NTNG1: variants seen among roughly 807,000 people sequenced by gnomAD.
NTNG1 encodes the protein netrin-G1.
In NTNG1, 16 loss-of-function variants were observed where a neutral mutation model predicts 54.0. The ratio of observed to expected loss-of-function variants is 0.30; its 90% CI spans 0.20 to 0.45. NTNG1 has a LOEUF of 0.45. Among genes scored for constraint, NTNG1 ranks in the 20% least tolerant of loss-of-function variants. NTNG1 has a pLI of 1.00. For synonymous variants in NTNG1, 255 were observed against 263.1 expected (o/e 0.97, Z 0.30); for missense variants, 530 against 678.7 (o/e 0.78, Z 2.43).
chr1:107,282,731 A>G (rs1263323311), intron 2 of NTNG1, among the ~76,000 whole-genome samples: 1 of 152,182 alleles, frequency 6.6e-6, no homozygotes, highest in Non-Finnish European at 1.5e-5. Context: ...AGTCTCATTC[A>G]GACCAAATTC....
At chr1:107,229,239 C>T (rs1047420114) in intron 2 of NTNG1, among the ~76,000 whole-genome samples, 2 of 151,110 alleles carry the variant, frequency 1.3e-5, no homozygotes, top group Admixed American at 6.6e-5. Context: ...AATCTTTGCT[C>T]AATATGTACA....
In NTNG1 at chr1:107,147,669, A is replaced by T. The variant is rs187895759; in HGVS notation, c.-525-400A>T. Among the ~76,000 whole-genome samples, 6 of 152,284 alleles carry T rather than the reference A, an allele frequency of 3.9e-5. No individual in the cohort carries two copies. In the East Asian group the frequency reaches 1.2e-3, roughly 29 times the overall value. Reference sequence around the variant, plus strand: ...CTTTGCCAAGAGACAAAAGGGATATAAGTAGTTGTCATTTCTTTGTCATCA... The same window carrying T: ...CTTTGCCAAGAGACAAAAGGGATATTAGTAGTTGTCATTTCTTTGTCATCA... On this transcript the variant is annotated intron_variant, in intron 1 of 7. Coordinates refer to ENST00000370068, the MANE Select transcript of NTNG1 (RefSeq NM_001113226.3).
intron 2 of NTNG1, among the ~76,000 whole-genome samples, chr1:107,259,103 A>AGC (rs1663127028): frequency 6.6e-6 from 1 of 152,230 alleles, no homozygotes; most frequent in Non-Finnish European, 1.5e-5. Flanking sequence ...CTTAAGAAAT[A>AGC]CACTGTAAAA....
chr1:107,192,659 A>G (rs1467854991), intron 2 of NTNG1, among the ~76,000 whole-genome samples: 1 of 151,948 alleles, frequency 6.6e-6, no homozygotes, highest in East Asian at 1.9e-4. Flanking sequence ...GATTTTTTGT[A>G]TTTCCAAAAT....
intron 2 of NTNG1, among the ~76,000 whole-genome samples, chr1:107,231,522 T>C (rs1263011751): frequency 6.6e-6 from 1 of 152,222 alleles, no homozygotes; most frequent in Non-Finnish European, 1.5e-5. Context: ...GGCTAATTCA[T>C]CTCAGATGGC....
At chr1:107,236,520 A>T (rs1292775736) in intron 2 of NTNG1, among the ~76,000 whole-genome samples, 1 of 152,186 alleles carries the variant, frequency 6.6e-6, no homozygotes, top group East Asian at 1.9e-4. Context: ...GAGTGTGGTC[A>T]GAATAGAAAA....
rs1557878548 is a variant in NTNG1, at chr1:107,297,251, A to ATATATG, written c.247-27031_247-27030insTATATG. Among the ~76,000 whole-genome samples the ATATATG allele has an allele frequency of 1.0e-3, 147 of 140,326 alleles. 2 individuals carry two copies. The highest frequency in any genetic ancestry group is 3.7e-3 in the African/African-American group (141 of 37,688). 92.1% of individuals were successfully genotyped at this position (140,326 alleles called of 152,430 possible). ...TATATATATATATATATATATGCGCACACACACACACACACAGCAGTTAAG... is the reference window on the plus strand; with the variant it reads ...TATATATATATATATATATATGCGCATATATGCACACACACACACACAGCAGTTAAG... On this transcript the variant is annotated intron_variant, in intron 2 of 7. Transcript: ENST00000370068.
intron 1 of NTNG1, chr1:107,141,464 G>A (rs1002882503): frequency 1.3e-5 from 2 of 151,206 alleles, no homozygotes; most frequent in African/African-American, 2.4e-5. Context: ...CACACGGTAA[G>A]TGCCTGCGGC....
intron 7 of NTNG1, among the ~76,000 whole-genome samples, chr1:107,468,579 C>A (rs1233131443): frequency 6.6e-6 from 1 of 152,164 alleles, no homozygotes; most frequent in African/African-American, 2.4e-5. Context: ...TACTTGAGTT[C>A]TTCTATGTTC....
chr1:107,206,206 G>C (rs752880472), intron 2 of NTNG1, among the ~76,000 whole-genome samples: 2 of 152,040 alleles, frequency 1.3e-5, no homozygotes, highest in Admixed American at 6.6e-5. Context: ...CTGCATGGCT[G>C]TCCCTGTCCT....
chr1:107,460,266 G>A, intron 7 of NTNG1: 1 of 430,136 alleles, frequency 2.3e-6, no homozygotes, highest in South Asian at 1.8e-5. Context: ...CGAACTGACA[G>A]TTCATCATGA....
rs553058235 is a variant in NTNG1, at chr1:107,391,154, A to G, written c.888-4000A>G. The stretch of plus-strand genomic sequence containing the variant: ...AGTACCTGAAGGCAAAGCTTGAAGA[A>G]CTAAGTGTAGAGTTAGGAGTGGTAC... On this transcript the variant is annotated intron_variant, in intron 3 of 7. Transcript: ENST00000370068. Among the ~76,000 whole-genome samples the G allele has an allele frequency of 4.6e-5, 7 of 152,314 alleles. No homozygotes were observed. In the South Asian group the frequency reaches 1.5e-3, roughly 32 times the overall value.
intron 7 of NTNG1, among the ~76,000 whole-genome samples, chr1:107,468,101 C>T (rs1677723007): frequency 6.6e-6 from 1 of 152,096 alleles, no homozygotes; most frequent in Admixed American, 6.5e-5. Context: ...GAGTGAATTA[C>T]AGCGATTCCC....
In NTNG1 at chr1:107,255,478, G is replaced by C. The variant is rs1165575051; in HGVS notation, c.247-68804G>C. Among the ~76,000 whole-genome samples, 4 of 152,160 alleles carry C rather than the reference G, an allele frequency of 2.6e-5. No individual in the cohort carries two copies. In the East Asian group the frequency reaches 7.7e-4, roughly 29 times the overall value. On this transcript the variant is annotated intron_variant, in intron 2 of 7. Transcript: ENST00000370068. ...AAATAAAAGGAAATGCATTAGCCCA[G>C]ATGAAAATATATTTAAGGCCTTTTT...
chr1:107,427,201 G>A (rs1674967233), intron 5 of NTNG1, among the ~76,000 whole-genome samples: 1 of 151,888 alleles, frequency 6.6e-6, no homozygotes. Flanking sequence ...CTCTGGCTAG[G>A]ACCTCCTGGA....
chr1:107,276,844 A>G (rs1190606792), intron 2 of NTNG1, among the ~76,000 whole-genome samples: 1 of 143,848 alleles, frequency 7.0e-6, no homozygotes, highest in East Asian at 2.1e-4. Context: ...TTTTTGTCTT[A>G]TTGAAGAGAT....
At position 107,391,095 on chromosome 1, in the gene NTNG1, T is replaced by A. The variant is rs78416875; in HGVS notation, c.888-4059T>A. On this transcript the variant is annotated intron_variant, in intron 3 of 7. Coordinates refer to ENST00000370068, the MANE Select transcript of NTNG1 (RefSeq NM_001113226.3). ...GATCAAAGAGGTAGGAATAGGAGAG[T>A]AGAATGCTGTAGGCAGAAGAAACAG... 4.5e-4 allele frequency among the ~76,000 whole-genome samples: 68 copies of A among 151,870 alleles called. No individual in the cohort carries two copies. The East Asian group carries it at 0.011, about 24-fold the overall frequency.
chr1:107,245,215 C>T (rs1662118378), intron 2 of NTNG1, among the ~76,000 whole-genome samples: 1 of 152,162 alleles, frequency 6.6e-6, no homozygotes, highest in Admixed American at 6.5e-5. Flanking sequence ...GAATAGATGA[C>T]TAAAAATCCA....
intron 4 of NTNG1, among the ~76,000 whole-genome samples, chr1:107,399,972 C>A (rs1273773768): frequency 6.6e-6 from 1 of 152,162 alleles, no homozygotes; most frequent in Non-Finnish European, 1.5e-5. Context: ...ATGTTCCCCA[C>A]CCCGGCTGTT....
Sources: allele counts gnomAD v4.1 joint callset (sites outside exome capture counted in the v4.1 genomes callset), GRCh38; gene constraint gnomAD v4.1.1; transcripts MANE v1.5; gene names NCBI Gene and HGNC (gene_info 2026-07-23, HGNC 2026-07-21).